Variants in ACAP2 observed in about 807,000 individuals in gnomAD.
ACAP2 encodes ArfGAP with coiled-coil, ankyrin repeat and PH domains 2.
ACAP2 carries 39 observed loss-of-function variants against 115.8 expected under a neutral mutation model. The ratio of observed to expected loss-of-function variants is 0.34; its 90% CI spans 0.26 to 0.44. ACAP2 has a LOEUF of 0.44. Among genes scored for constraint, ACAP2 ranks in the 20% least tolerant of loss-of-function variants. The pLI is 1.00. For synonymous variants in ACAP2, 289 were observed against 315.8 expected (o/e 0.92, Z 0.90); for missense variants, 662 against 927.6 (o/e 0.71, Z 3.72).
At chr3:195,424,249 G>A (rs1714446259) in intron 1 of ACAP2, among the ~76,000 whole-genome samples, 1 of 78,994 alleles carries the variant, frequency 1.3e-5, no homozygotes, top group African/African-American at 4.8e-5. Flanking sequence ...TGTGTGGTGT[G>A]TGTGTGTGTG....
intron 10 of ACAP2, among the ~76,000 whole-genome samples, chr3:195,314,330 A>G (rs1577284852): frequency 6.6e-6 from 1 of 151,846 alleles, no homozygotes. Context: ...GCAGTGGTAA[A>G]ATCTCGGCTC....
chr3:195,309,007 C>T (rs77118096), intron 10 of ACAP2, among the ~76,000 whole-genome samples, 170 bp from the exon 11 acceptor site: 5,391 of 52,484 alleles, frequency 0.1, 168 homozygotes, highest in East Asian at 0.37. Context: ...GGGAAAACTA[C>T]TGAAAGAACA....
chr3:195,338,333 TGGCCGGAGTGCAG>T (rs1730650005), intron 6 of ACAP2, among the ~76,000 whole-genome samples: 1 of 152,140 alleles, frequency 6.6e-6, no homozygotes, highest in Admixed American at 6.6e-5. Context: ...TTGCCCACCC[TGGCCGGAGTGCAG>T]TGGCATGATC....
At chr3:195,291,910 A>C (rs1394822390) in intron 19 of ACAP2, 95 bp from the exon 20 acceptor site, 2 of 1,042,532 alleles carry the variant, frequency 1.9e-6, no homozygotes, top group Non-Finnish European at 2.7e-6. Flanking sequence ...CGTTACTCAA[A>C]TAGCATTTCC....
intron 10 of ACAP2, among the ~76,000 whole-genome samples, chr3:195,319,837 T>C (rs1007379127): frequency 6.6e-6 from 1 of 152,150 alleles, no homozygotes; most frequent in Non-Finnish European, 1.5e-5. Flanking sequence ...GAAGTCCTGA[T>C]TGATTTTGAA....
At chr3:195,415,197 T>G (rs1713616421) in intron 1 of ACAP2, among the ~76,000 whole-genome samples, 1 of 152,062 alleles carries the variant, frequency 6.6e-6, no homozygotes, top group South Asian at 2.1e-4. Context: ...GTGGGGAAGG[T>G]TCTATGTGTC....
intron 4 of ACAP2, among the ~76,000 whole-genome samples, chr3:195,351,561 A>G (rs1731607681): frequency 6.6e-6 from 1 of 151,112 alleles, no homozygotes; most frequent in African/African-American, 2.4e-5. Context: ...TCCCGGGATC[A>G]CGCCATTCTC....
At chr3:195,293,747 G>A (rs1437979859) in intron 18 of ACAP2, among the ~76,000 whole-genome samples, 3 of 152,030 alleles carry the variant, frequency 2.0e-5, no homozygotes, top group Non-Finnish European at 4.4e-5. Flanking sequence ...AGGCTGAGTA[G>A]GAGAACTGCG....
At chr3:195,350,041 T>C (rs764213591) in intron 4 of ACAP2, 8 of 170,456 alleles carry the variant, frequency 4.7e-5, no homozygotes, top group Non-Finnish European at 7.4e-5. Flanking sequence ...CCACTGATTG[T>C]CAAATAAAGT....
At chr3:195,332,970 T>A in intron 8 of ACAP2, 58 bp downstream of exon 8, 1 of 1,346,034 alleles carries the variant, frequency 7.4e-7, no homozygotes, top group Non-Finnish European at 1.0e-6. Context: ...GCTAAATTTC[T>A]TTAAAAATAC....
chr3:195,338,207 T>C (rs947445835), intron 6 of ACAP2, among the ~76,000 whole-genome samples: 1 of 152,230 alleles, frequency 6.6e-6, no homozygotes, highest in Non-Finnish European at 1.5e-5. Context: ...GTGTAAATTC[T>C]AGTGAGACCA....
chr3:195,295,351 AGGGCAGG>A, intron 17 of ACAP2: 2 of 1,153,932 alleles, frequency 1.7e-6, no homozygotes, highest in Admixed American at 2.7e-5. Flanking sequence ...AGAAGGGAAA[AGGGCAGG>A]AAAAAACGTT....
rs897322989 is a variant in ACAP2, at chr3:195,275,937, T to A, written c.*3391A>T. ...CTAGTCCAGTGCTCCTTCCACCGTA[T>A]CATGCGGTTCTAAAGTCATTCTGGA... is the stretch of plus-strand genomic sequence containing the variant. On this transcript the variant is annotated 3_prime_UTR_variant, in exon 23 of 23. Transcript: ENST00000326793. 1 of 152,630 alleles carries A rather than the reference T, an allele frequency of 6.6e-6. No individual in the cohort carries two copies. The highest frequency in any genetic ancestry group is 1.5e-5 in the Non-Finnish European group (1 of 68,046). 9.5% of individuals were successfully genotyped at this position (152,630 alleles called of 1,614,324 possible). A position where few individuals can be genotyped will look rare whatever the true frequency, so the allele number is the denominator to read the frequency against.
At chr3:195,352,313 C>A (rs549960968) in intron 4 of ACAP2, among the ~76,000 whole-genome samples, 4 of 152,256 alleles carry the variant, frequency 2.6e-5, no homozygotes, top group African/African-American at 9.6e-5. Context: ...ATGATACTCA[C>A]ACAATGAAGA....
chr3:195,330,171 A>G (rs181518449), intron 8 of ACAP2, among the ~76,000 whole-genome samples: 20 of 152,252 alleles, frequency 1.3e-4, no homozygotes, highest in Non-Finnish European at 2.2e-4. Context: ...AAATCAATAT[A>G]TTTAAGCATG....
Position 195,295,788 on chromosome 3 carries a change from G to A in ACAP2, c.1592C>T (p.Ser531Phe). 1 of 1,614,086 alleles carries A rather than the reference G, an allele frequency of 6.2e-7. No homozygotes were observed. Among genetic ancestry groups the A allele is most frequent in the Non-Finnish European group, 8.5e-7 (1 of 1,179,992 alleles). Reference protein sequence around the residue: ...SPPEQQKKFVSKSSEEKRLSI... With the variant: ...SPPEQQKKFVFKSSEEKRLSI... Reference sequence around the variant, plus strand: ...CAGCCTCTTTTCTTCAGAACTTTTAGAGACAAACTTTTTTTGCTGCTCAGG... The same window carrying A: ...CAGCCTCTTTTCTTCAGAACTTTTAAAGACAAACTTTTTTTGCTGCTCAGG... Residue 531 changes from serine (S) to phenylalanine (F), a missense_variant, in exon 17 of 23, where the codon TCT (serine) becomes TTT (phenylalanine). Ser to Phe is a radical substitution (Grantham distance 155). Transcript: ENST00000326793.
intron 7 of ACAP2, among the ~76,000 whole-genome samples, chr3:195,334,569 C>T (rs1328127848): frequency 6.6e-6 from 1 of 152,016 alleles, no homozygotes; most frequent in African/African-American, 2.4e-5. Context: ...AGACAAAGGA[C>T]ATATGAGGTA....
intron 13 of ACAP2, 105 bp from the exon 14 acceptor site, chr3:195,302,279 C>A: frequency 2.9e-6 from 3 of 1,034,342 alleles, no homozygotes; most frequent in Non-Finnish European, 4.2e-6. Flanking sequence ...AAATTAAAGG[C>A]CTGTTACAGG....
rs182162282 is a variant in ACAP2, at chr3:195,325,101, A to C, written c.744+1784T>G. On this transcript the variant is annotated intron_variant, in intron 9 of 22. Coordinates refer to ENST00000326793, the MANE Select transcript of ACAP2 (RefSeq NM_012287.6). ...TATATCTACTGATCAAATGGGCCAA[A>C]ATCTGAAAGTCTCATAATATAATGA... Among the ~76,000 whole-genome samples, 790 of 152,310 alleles carry C rather than the reference A, an allele frequency of 5.2e-3. 5 individuals are homozygous for C. Among genetic ancestry groups the C allele is most frequent in the African/African-American group, 0.018 (752 of 41,570 alleles).
Sources: allele counts gnomAD v4.1 joint callset (sites outside exome capture counted in the v4.1 genomes callset), GRCh38; gene constraint gnomAD v4.1.1; transcripts MANE v1.5; gene names NCBI Gene and HGNC (gene_info 2026-07-23, HGNC 2026-07-21).